The following SPATA16 variants were observed in gnomAD, a reference collection of about 807,000 sequenced individuals.
SPATA16 encodes spermatogenesis-associated protein 16.
In SPATA16, 36 loss-of-function variants were observed where a neutral mutation model predicts 63.3. That is an observed-to-expected ratio of 0.57 (90% CI 0.44 to 0.75). The LOEUF (loss-of-function observed/expected upper bound fraction) is 0.75. Ranked by LOEUF, SPATA16 falls within the 30% of genes least tolerant of loss-of-function variation. The pLI is 0.00. For missense variants in SPATA16, 646 were observed against 679.3 expected (o/e 0.95, Z 0.54); for synonymous variants, 203 against 216.7 (o/e 0.94, Z 0.56).
At chr3:172,910,039 C>T (rs1249000949) in intron 10 of SPATA16, among the ~76,000 whole-genome samples, 1 of 146,510 alleles carries the variant, frequency 6.8e-6, no homozygotes, top group Non-Finnish European at 1.5e-5. Flanking sequence ...ATTTACTGTA[C>T]AAATGCAATT....
At chr3:173,126,926 A>G (rs1738243213) in intron 1 of SPATA16, among the ~76,000 whole-genome samples, 2 of 152,336 alleles carry the variant, frequency 1.3e-5, no homozygotes, top group Non-Finnish European at 2.9e-5. Context: ...GATCCGCAAA[A>G]TTAATGGACA....
intron 6 of SPATA16, among the ~76,000 whole-genome samples, chr3:172,928,984 G>A (rs1732802115): frequency 6.6e-6 from 1 of 152,084 alleles, no homozygotes; most frequent in Non-Finnish European, 1.5e-5. Flanking sequence ...ATTAATTTGA[G>A]TGCTAATTGT....
At chr3:172,961,069 T>TTCCTTC (rs1560080334) in intron 5 of SPATA16, among the ~76,000 whole-genome samples, 770 of 72,376 alleles carry the variant, frequency 0.011, 59 homozygotes, top group South Asian at 0.036. Context: ...CTTTCTTCTT[T>TTCCTTC]CTTCCTTCCT....
At chr3:173,092,669 C>A (rs1040761875) in intron 2 of SPATA16, among the ~76,000 whole-genome samples, 4 of 152,022 alleles carry the variant, frequency 2.6e-5, no homozygotes, top group Admixed American at 6.6e-5. Context: ...GGAATTTAAC[C>A]CTGCAAACAC....
intron 10 of SPATA16, among the ~76,000 whole-genome samples, chr3:172,911,999 A>G (rs1450289020): frequency 6.6e-6 from 1 of 152,172 alleles, no homozygotes; most frequent in African/African-American, 2.4e-5. Flanking sequence ...ATACTCTAAA[A>G]CATTCCAAAC....
At chr3:172,946,607 A>G (rs561628892) in intron 6 of SPATA16, among the ~76,000 whole-genome samples, 16 of 152,258 alleles carry the variant, frequency 1.1e-4, no homozygotes, top group African/African-American at 3.6e-4. Context: ...CTCCTTCTGT[A>G]TGAGCAAATG....
At chr3:172,988,019 C>T (rs1734494701) in intron 4 of SPATA16, among the ~76,000 whole-genome samples, 1 of 152,148 alleles carries the variant, frequency 6.6e-6, no homozygotes, top group South Asian at 2.1e-4. Context: ...AACTCAACCA[C>T]AGTCATAAAC....
intron 1 of SPATA16, among the ~76,000 whole-genome samples, chr3:173,126,071 G>T (rs564522953): frequency 7.1e-6 from 1 of 141,270 alleles, no homozygotes; most frequent in East Asian, 1.9e-4. Context: ...TTTGTTGTTT[G>T]TTACTCTATG....
At chr3:172,899,748 A>G (rs1300129907) in intron 10 of SPATA16, among the ~76,000 whole-genome samples, 1 of 152,100 alleles carries the variant, frequency 6.6e-6, no homozygotes, top group Non-Finnish European at 1.5e-5. Flanking sequence ...CCATTTTGAC[A>G]TAACTAGAGT....
chr3:173,092,274 C>G (rs1045829852), intron 2 of SPATA16, among the ~76,000 whole-genome samples: 2 of 152,134 alleles, frequency 1.3e-5, no homozygotes, highest in Non-Finnish European at 2.9e-5. Context: ...CTTCACAGTT[C>G]TTGACAAGCC....
chr3:172,907,496 C>G (rs1437133835), intron 10 of SPATA16, among the ~76,000 whole-genome samples: 1 of 152,102 alleles, frequency 6.6e-6, no homozygotes, highest in African/African-American at 2.4e-5. Context: ...TCTTACTACT[C>G]TCATTCATTC....
intron 4 of SPATA16, among the ~76,000 whole-genome samples, chr3:173,005,982 A>T (rs1734936255): frequency 6.6e-6 from 1 of 152,182 alleles, no homozygotes; most frequent in African/African-American, 2.4e-5. Flanking sequence ...AGAAGAGATG[A>T]CTATAAACTT....
chr3:173,007,420 G>C (rs1734967550), intron 4 of SPATA16, among the ~76,000 whole-genome samples: 1 of 152,190 alleles, frequency 6.6e-6, no homozygotes, highest in Non-Finnish European at 1.5e-5. Context: ...GAGGCCAAGA[G>C]TGAGAGAGGT....
At chr3:172,939,628 G>A (rs1283415987) in intron 6 of SPATA16, among the ~76,000 whole-genome samples, 1 of 152,186 alleles carries the variant, frequency 6.6e-6, no homozygotes, top group East Asian at 1.9e-4. Flanking sequence ...TACACTGAAA[G>A]AATATAGAAA....
chr3:172,899,020 T>G (rs978123367), intron 10 of SPATA16, among the ~76,000 whole-genome samples: 6 of 152,010 alleles, frequency 3.9e-5, no homozygotes, highest in African/African-American at 1.4e-4. Flanking sequence ...TTTGAGTCCA[T>G]TGCAGTTGTG....
chr3:172,961,988 C>T (rs148137333), intron 5 of SPATA16, among the ~76,000 whole-genome samples: 18 of 152,226 alleles, frequency 1.2e-4, no homozygotes, highest in East Asian at 9.7e-4. Context: ...GCACGATCCT[C>T]ACGCCTGTAA....
chr3:172,977,185 G>A (rs971033608), intron 4 of SPATA16, 133 bp from the exon 5 acceptor site: 3 of 762,742 alleles, frequency 3.9e-6, no homozygotes, highest in Non-Finnish European at 4.3e-6. Context: ...CTAATATTAA[G>A]CAAAACACAA....
At chr3:173,043,488 T>G (rs946714349) in intron 3 of SPATA16, among the ~76,000 whole-genome samples, 4 of 151,920 alleles carry the variant, frequency 2.6e-5, no homozygotes, top group Admixed American at 2.6e-4. Context: ...GTAATCTTAT[T>G]ATTATTTTTA....
At chr3:172,987,843 C>G (rs1350252654) in intron 4 of SPATA16, among the ~76,000 whole-genome samples, 2 of 152,146 alleles carry the variant, frequency 1.3e-5, no homozygotes, top group African/African-American at 4.8e-5. Flanking sequence ...TCTTGTTACT[C>G]TCTAGAAGTA....
Sources: gnomAD v4.1 joint callset for allele counts (sites outside exome capture counted in the v4.1 genomes callset) on GRCh38, gnomAD v4.1.1 for gene constraint, MANE v1.5 for transcripts, NCBI Gene and HGNC (gene_info 2026-07-23, HGNC 2026-07-21) for gene names.